SCML4: variants seen among roughly 807,000 people sequenced by gnomAD.
SCML4 encodes the protein sex comb on midleg-like protein 4.
Under a neutral mutation model 41.1 loss-of-function variants are expected in SCML4, and 34 were observed. That is an observed-to-expected ratio of 0.83 (90% CI 0.63 to 1.10). The LOEUF is 1.10. Ranked by LOEUF, SCML4 falls within the 50% of genes least tolerant of loss-of-function variation. The pLI, the probability that SCML4 is intolerant of heterozygous loss-of-function variation, is 0.00. For missense variants in SCML4, 522 were observed against 534.1 expected (o/e 0.98, Z 0.22); for synonymous variants, 214 against 220.9 (o/e 0.97, Z 0.28).
chr6:107,829,957 C>T, the SCML4 span, among the ~76,000 whole-genome samples: 3 of 152,144 alleles, frequency 2.0e-5, no homozygotes, highest in African/African-American at 7.2e-5. Context: ...TTACATTCAG[C>T]CCCTGCCTTA....
At chr6:107,754,359 A>G (rs1358342346) in intron 2 of SCML4, among the ~76,000 whole-genome samples, 1 of 152,250 alleles carries the variant, frequency 6.6e-6, no homozygotes, top group African/African-American at 2.4e-5. Flanking sequence ...GTTTTGACTC[A>G]GTGACTCTGA....
At chr6:107,764,508 G>C (rs1167017656) in intron 2 of SCML4, among the ~76,000 whole-genome samples, 1 of 152,122 alleles carries the variant, frequency 6.6e-6, no homozygotes, top group Non-Finnish European at 1.5e-5. Context: ...TCAGATGCTG[G>C]TCTGTATCCA....
chr6:107,799,667 T>A (rs574146535), intron 1 of SCML4, among the ~76,000 whole-genome samples: 1 of 152,256 alleles, frequency 6.6e-6, no homozygotes, highest in East Asian at 1.9e-4. Flanking sequence ...TTTTTTATAA[T>A]TTCTTTTCAT....
chr6:107,733,155 C>T (rs1583438925), intron 5 of SCML4, among the ~76,000 whole-genome samples: 1 of 152,202 alleles, frequency 6.6e-6, no homozygotes, highest in South Asian at 2.1e-4. Context: ...CCTGTGGCTG[C>T]ACCTGGTCCC....
At chr6:107,705,355 AC>A (rs1432880087) in intron 7 of SCML4, 30 bp from the exon 8 acceptor site, 3 of 1,549,440 alleles carry the variant, frequency 1.9e-6, no homozygotes, top group Non-Finnish European at 2.6e-6. Flanking sequence ...AGAAAGATAA[AC>A]CCAGAAGATG....
At chr6:107,793,473 T>G (rs1782490811) in intron 1 of SCML4, among the ~76,000 whole-genome samples, 1 of 152,220 alleles carries the variant, frequency 6.6e-6, no homozygotes, top group African/African-American at 2.4e-5. Context: ...GAACAGGACC[T>G]GTTGGTTCAT....
the SCML4 span, among the ~76,000 whole-genome samples, chr6:107,830,305 G>A: frequency 6.6e-6 from 1 of 152,202 alleles, no homozygotes; most frequent in Admixed American, 6.5e-5. Flanking sequence ...TCTCTTTGTG[G>A]CTCTGGGCCT....
At chr6:107,826,276 GAAGAAAAGAAAAGAAAAGAAAGAAAAGA>G (rs1260978816), upstream of SCML4, among the ~76,000 whole-genome samples, 5 of 138,828 alleles carry the variant, frequency 3.6e-5, no homozygotes, top group African/African-American at 1.3e-4. Context: ...AAAAAGAAAA[GAAGAAAAGAAAAGAAAAGAAAGAAAAGA>G]AAAAGAAGAA....
chr6:107,711,315 G>A (rs533488519), intron 6 of SCML4, among the ~76,000 whole-genome samples: 2 of 152,322 alleles, frequency 1.3e-5, no homozygotes, highest in Admixed American at 1.3e-4. Context: ...CCATGGCTCA[G>A]AGTACATATA....
At chr6:107,786,855 T>G (rs142160343) in intron 1 of SCML4, among the ~76,000 whole-genome samples, 2 of 152,232 alleles carry the variant, frequency 1.3e-5, no homozygotes, top group Non-Finnish European at 2.9e-5. Context: ...GCCACTGCAA[T>G]AAGACGCAGA....
the SCML4 span, among the ~76,000 whole-genome samples, chr6:107,840,785 A>G: frequency 6.6e-6 from 1 of 152,102 alleles, no homozygotes; most frequent in Non-Finnish European, 1.5e-5. Flanking sequence ...GAAGGCAGCA[A>G]GGGAGGAGCC....
At chr6:107,750,310 T>C (rs1268727346) in intron 2 of SCML4, among the ~76,000 whole-genome samples, 1 of 152,190 alleles carries the variant, frequency 6.6e-6, no homozygotes, top group Non-Finnish European at 1.5e-5. Flanking sequence ...GACATACCAC[T>C]GTGTTTATTT....
chr6:107,739,446 T>C (rs1777383377), intron 5 of SCML4, among the ~76,000 whole-genome samples: 1 of 152,200 alleles, frequency 6.6e-6, no homozygotes, highest in African/African-American at 2.4e-5. Context: ...CTTCTTATCA[T>C]GTGATTAACT....
At chr6:107,709,758 T>C (rs939633177) in intron 6 of SCML4, among the ~76,000 whole-genome samples, 1 of 152,198 alleles carries the variant, frequency 6.6e-6, no homozygotes, top group African/African-American at 2.4e-5. Context: ...TTGCGCAGGC[T>C]GGAGTGCAGT....
intron 2 of SCML4, 133 bp from the exon 3 acceptor site, chr6:107,749,946 G>A: frequency 1.2e-6 from 1 of 851,264 alleles, no homozygotes; most frequent in Non-Finnish European, 1.9e-6. Context: ...GCAGTTTCGG[G>A]GCCTGAGCTG....
chr6:107,789,416 T>C (rs576084920), intron 1 of SCML4, among the ~76,000 whole-genome samples: 2 of 152,290 alleles, frequency 1.3e-5, no homozygotes, highest in South Asian at 4.1e-4. Context: ...CTGCCCCGCA[T>C]AAACACAGGT....
intron 2 of SCML4, among the ~76,000 whole-genome samples, chr6:107,771,535 C>T (rs1259504329): frequency 1.3e-5 from 2 of 152,188 alleles, no homozygotes; most frequent in African/African-American, 4.8e-5. Flanking sequence ...TTCTCCACCC[C>T]AGCCTCTCCA....
intron 6 of SCML4, among the ~76,000 whole-genome samples, chr6:107,711,232 G>C (rs1774176917): frequency 6.6e-6 from 1 of 152,158 alleles, no homozygotes. Flanking sequence ...TCTGTACCAG[G>C]TGCTAGGTGA....
chr6:107,836,248 T>A, the SCML4 span, among the ~76,000 whole-genome samples: 2 of 152,184 alleles, frequency 1.3e-5, no homozygotes, highest in Non-Finnish European at 1.5e-5. Context: ...TATTGAGTTC[T>A]CATTTGAAAA....
Sources: gnomAD v4.1 joint callset for allele counts (sites outside exome capture counted in the v4.1 genomes callset) on GRCh38, gnomAD v4.1.1 for gene constraint, MANE v1.5 for transcripts, NCBI Gene and HGNC (gene_info 2026-07-23, HGNC 2026-07-21) for gene names.